Variants in TRIM36 observed in about 807,000 individuals in gnomAD.
TRIM36 encodes tripartite motif containing 36.
In TRIM36, 42 loss-of-function variants were observed where a neutral mutation model predicts 72.4. The ratio of observed to expected loss-of-function variants is 0.58; its 90% CI spans 0.45 to 0.75. The LOEUF is 0.75. Ranked by LOEUF, TRIM36 falls within the 30% of genes least tolerant of loss-of-function variation. The pLI is 0.00. For missense variants in TRIM36, 913 were observed against 857.1 expected (o/e 1.07, Z -0.81); for synonymous variants, 315 against 282.8 (o/e 1.11, Z -1.14).
At chr5:115,144,780 T>C in intron 3 of TRIM36, 36 bp from the exon 4 acceptor site, 1 of 1,571,840 alleles carries the variant, frequency 6.4e-7, no homozygotes, top group Non-Finnish European at 8.6e-7. Flanking sequence ...ATTAAGGATC[T>C]AGGTTTCAAG....
In TRIM36 at chr5:115,169,802, C is replaced by T. The variant is rs1052018968; in HGVS notation, c.-168G>A. ...GCGGACCGACGCGGGGAGAAGTAAGCCGGGGCAGGCAAAAGCACAGGCGCG... is the reference window on the plus strand; with the variant it reads ...GCGGACCGACGCGGGGAGAAGTAAGTCGGGGCAGGCAAAAGCACAGGCGCG... On this transcript the variant is annotated 5_prime_UTR_variant, in exon 1 of 10. Coordinates refer to ENST00000513154, the MANE Select transcript of TRIM36 (RefSeq NM_001300759.2). 11 of 1,321,408 alleles carry T rather than the reference C, an allele frequency of 8.3e-6. No homozygotes were observed. The highest frequency in any genetic ancestry group is 1.5e-5 in the African/African-American group (1 of 66,146). 81.9% of individuals were successfully genotyped at this position (1,321,408 alleles called of 1,614,324 possible).
chr5:115,148,438 T>C (rs896495193), intron 2 of TRIM36: 72 of 588,114 alleles, frequency 1.2e-4, no homozygotes, highest in South Asian at 2.2e-4. Flanking sequence ...TTTTTTTTTT[T>C]AGATGGAGTC....
At chr5:115,150,202 T>C (rs552879821) in intron 2 of TRIM36, among the ~76,000 whole-genome samples, 4 of 152,212 alleles carry the variant, frequency 2.6e-5, no homozygotes, top group Non-Finnish European at 5.9e-5. Context: ...TGGGAAGTAA[T>C]ATCCTTAATG....
In TRIM36 at chr5:115,169,844, C is replaced by T. The variant is rs1481235705; in HGVS notation, c.-210G>A. On this transcript the variant is annotated 5_prime_UTR_variant, in exon 1 of 10. Transcript: ENST00000513154. Reference sequence around the variant, plus strand: ...ACAGGCGCGGGAGAAGCGAGCTTTGCTCCCAGCGACTACCCCGGGAATCCC... The same window carrying T: ...ACAGGCGCGGGAGAAGCGAGCTTTGTTCCCAGCGACTACCCCGGGAATCCC... 3.0e-6 allele frequency: 4 copies of T among 1,312,582 alleles called. No homozygotes were observed. Among genetic ancestry groups the T allele is most frequent in the Non-Finnish European group, 3.9e-6 (4 of 1,029,038 alleles). The allele number at this position is 1,312,582 out of a possible 1,614,324, so 81.3% of individuals were successfully genotyped here. A position where few individuals can be genotyped will look rare whatever the true frequency, so the allele number is the denominator to read the frequency against.
chr5:115,173,439 C>CAG (rs888423634), upstream of TRIM36, among the ~76,000 whole-genome samples: 4 of 151,926 alleles, frequency 2.6e-5, no homozygotes, highest in Non-Finnish European at 5.9e-5. Context: ...GCACAAGGAG[C>CAG]AGAATAAGCT....
chr5:115,178,821 G>A (rs959188911), intron 1 of TRIM36, among the ~76,000 whole-genome samples: 1 of 152,206 alleles, frequency 6.6e-6, no homozygotes, highest in Non-Finnish European at 1.5e-5. Context: ...AATTCAGAGA[G>A]GCGTAGGGTT....
upstream of TRIM36, chr5:115,171,205 T>C (rs1404670132): frequency 7.4e-6 from 12 of 1,614,072 alleles, no homozygotes; most frequent in Non-Finnish European, 1.0e-5. Flanking sequence ...AGCGGTAGCC[T>C]CGTCTCCAAT....
At chr5:115,170,963 C>T, upstream of TRIM36, 1 of 1,326,876 alleles carries the variant, frequency 7.5e-7, no homozygotes, top group Non-Finnish European at 1.0e-6. Flanking sequence ...ACACGGAGAA[C>T]AAATTAATTT....
intron 2 of TRIM36, 108 bp from the exon 3 acceptor site, chr5:115,147,502 C>T: frequency 7.7e-7 from 1 of 1,304,770 alleles, no homozygotes; most frequent in Non-Finnish European, 1.1e-6. Flanking sequence ...ATCACAAAAA[C>T]AGTATCCGAA....
chr5:115,150,869 G>T (rs2112860136), intron 2 of TRIM36, among the ~76,000 whole-genome samples: 1 of 152,312 alleles, frequency 6.6e-6, no homozygotes, highest in African/African-American at 2.4e-5. Flanking sequence ...AGGAAGCAGT[G>T]GGAAAACCCC....
chr5:115,176,585 T>C (rs368273294), intron 1 of TRIM36, among the ~76,000 whole-genome samples: 223 of 152,316 alleles, frequency 1.5e-3, no homozygotes, highest in Non-Finnish European at 1.1e-3. Context: ...TATTTACACA[T>C]AAATGTAAAT....
At chr5:115,158,140 A>G (rs1316800382) in intron 2 of TRIM36, among the ~76,000 whole-genome samples, 1 of 152,180 alleles carries the variant, frequency 6.6e-6, no homozygotes, top group African/African-American at 2.4e-5. Context: ...AAAATGAAAG[A>G]AAGAAAAGTA....
rs1222430709 is a variant in TRIM36, at chr5:115,163,637, A to G, written c.143T>C (p.Leu48Pro). The G allele has an allele frequency of 6.2e-7, 1 of 1,614,188 alleles. No homozygotes were observed. The highest frequency in any genetic ancestry group is 1.1e-5 in the South Asian group (1 of 91,076). ...GAATGAATCATCGAGAGTCAGCAGG[A>G]GTTCTTTTACACATTTATGACAGAT... Reference protein sequence around the residue: ...HSICHKCVKELLLTLDDSFND... With the variant: ...HSICHKCVKEPLLTLDDSFND... Residue 48 changes from leucine (L) to proline (P), a missense_variant, in exon 2 of 10, where the codon CTC becomes CCC. Physicochemically the swap from Leu to Pro is moderately conservative, Grantham distance 98 (BLOSUM62 -3). Coordinates refer to ENST00000513154, the MANE Select transcript of TRIM36 (RefSeq NM_001300759.2).
intron 1 of TRIM36, among the ~76,000 whole-genome samples, chr5:115,174,941 C>A (rs1755268048): frequency 1.3e-5 from 2 of 152,038 alleles, no homozygotes. Flanking sequence ...AACTAGTGGG[C>A]AAAGAAGTTT....
At chr5:115,144,955 G>A (rs115869993) in intron 3 of TRIM36, among the ~76,000 whole-genome samples, 2,058 of 152,226 alleles carry the variant, frequency 0.014, 57 homozygotes, top group African/African-American at 0.048. Flanking sequence ...TGATTAATAC[G>A]TAGATGTTGT....
chr5:115,145,445 A>T (rs1434261938), intron 3 of TRIM36, among the ~76,000 whole-genome samples: 1 of 152,232 alleles, frequency 6.6e-6, no homozygotes, highest in Non-Finnish European at 1.5e-5. Flanking sequence ...TGTTAATAAA[A>T]TCAAAAGTTG....
At chr5:115,137,243 G>T in intron 6 of TRIM36, 119 bp from the exon 7 acceptor site, 2 of 1,476,728 alleles carry the variant, frequency 1.4e-6, no homozygotes, top group Non-Finnish European at 1.8e-6. Context: ...TTAAGAATGA[G>T]GCAAGATGTA....
intron 2 of TRIM36, among the ~76,000 whole-genome samples, chr5:115,155,854 A>G (rs1353489981): frequency 6.6e-6 from 1 of 152,196 alleles, no homozygotes; most frequent in Non-Finnish European, 1.5e-5. Context: ...GGTAAAAAGG[A>G]AGTCAAACTA....
chr5:115,166,224 CA>C (rs1737153341), intron 1 of TRIM36, among the ~76,000 whole-genome samples: 1 of 152,110 alleles, frequency 6.6e-6, no homozygotes. Context: ...TGAAAACTTA[CA>C]GTGAATTTTC....
Sources: gnomAD v4.1 joint callset for allele counts (sites outside exome capture counted in the v4.1 genomes callset) on GRCh38, gnomAD v4.1.1 for gene constraint, MANE v1.5 for transcripts, NCBI Gene and HGNC (gene_info 2026-07-23, HGNC 2026-07-21) for gene names.